Variants in TRDN observed in about 807,000 individuals in gnomAD.
TRDN encodes triadin in skeletal muscle.
TRDN carries 161 observed loss-of-function variants against 149.7 expected under a neutral mutation model. That is an observed-to-expected ratio of 1.08 (90% CI 0.95 to 1.23). The LOEUF is 1.23. TRDN is among the 50% of genes most tolerant of loss of function. TRDN has a pLI of 0.00. For synonymous variants in TRDN, 294 were observed against 250.5 expected, an observed-to-expected ratio of 1.17 and a Z score of -1.64; for missense variants, 896 against 823.5, an observed-to-expected ratio of 1.09 and a Z score of -1.08.
At chr6:123,619,716 A>G (rs1785282081) in intron 1 of TRDN, among the ~76,000 whole-genome samples, 1 of 152,192 alleles carries the variant, frequency 6.6e-6, no homozygotes, top group Admixed American at 6.5e-5. Flanking sequence ...TCTGTCACAT[A>G]CAGACATCCA....
chr6:123,614,300 C>CAAAAAAAAAAAA (rs1199509406), intron 1 of TRDN, among the ~76,000 whole-genome samples: 13 of 99,844 alleles, frequency 1.3e-4, no homozygotes, highest in East Asian at 3.2e-4. Context: ...AAAAAAAAAA[C>CAAAAAAAAAAAA]AAAAAAAAAA....
intron 7 of TRDN, among the ~76,000 whole-genome samples, chr6:123,508,658 A>T (rs1038398528): frequency 2.6e-5 from 4 of 152,158 alleles, no homozygotes; most frequent in African/African-American, 9.6e-5. Context: ...ATGGGGTCCT[A>T]CATATGTATC....
chr6:123,603,865 G>A (rs1784392537), intron 1 of TRDN, among the ~76,000 whole-genome samples: 1 of 152,080 alleles, frequency 6.6e-6, no homozygotes, highest in South Asian at 2.1e-4. Flanking sequence ...ACTGAAATTA[G>A]CAATTCACAT....
At chr6:123,632,232 A>C (rs1306358996) in intron 1 of TRDN, among the ~76,000 whole-genome samples, 2 of 151,994 alleles carry the variant, frequency 1.3e-5, no homozygotes, top group African/African-American at 2.4e-5. Context: ...TATGGTGTAG[A>C]TTTTGGCATA....
chr6:123,576,972 A>T (rs552655427), intron 1 of TRDN, among the ~76,000 whole-genome samples: 2 of 149,488 alleles, frequency 1.3e-5, no homozygotes, highest in African/African-American at 4.9e-5. Context: ...AAAATAAAAT[A>T]AAAAAAAAAG....
chr6:123,499,312 CAG>C (rs1261632339), intron 8 of TRDN, among the ~76,000 whole-genome samples: 3 of 152,072 alleles, frequency 2.0e-5, no homozygotes, highest in Admixed American at 6.6e-5. Context: ...CTTCACGCTT[CAG>C]AGAGTCTTCT....
chr6:123,586,467 A>C (rs956611485), intron 1 of TRDN, among the ~76,000 whole-genome samples: 1 of 152,056 alleles, frequency 6.6e-6, no homozygotes, highest in Non-Finnish European at 1.5e-5. Flanking sequence ...TTGCATTGGG[A>C]ACAGAGACTA....
chr6:123,255,896 G>A lies in TRDN; in HGVS notation c.1877C>T (p.Ala626Val). Residue 626 changes from alanine (A) to valine (V), a missense_variant, in exon 36 of 41, where the codon GCA becomes GTA. Coordinates refer to ENST00000334268, the MANE Select transcript of TRDN (RefSeq NM_006073.4). ...TTCTTCTCTAAGATGCTTCATGTCT[G>A]CTTTTTCTGTATAGAAGAAACAGTA... is the stretch of plus-strand genomic sequence containing the variant. ...EISEKESKEK[A>V]DMKHLREEKV... 1.5e-6 allele frequency: 2 copies of A among 1,315,122 alleles called. No homozygotes were observed. The highest frequency in any genetic ancestry group is 2.0e-5 in the South Asian group (1 of 49,752). The allele number at this position is 1,315,122 out of a possible 1,614,324, so 81.5% of individuals were successfully genotyped here.
chr6:123,352,520 C>A lies in TRDN; in HGVS notation c.1369+19G>T, dbSNP rs1367209336. The A allele has an allele frequency of 1.2e-6, 2 of 1,609,190 alleles. No homozygotes were observed. Among genetic ancestry groups the A allele is most frequent in the Non-Finnish European group, 1.7e-6 (2 of 1,177,690 alleles). On this transcript the variant is annotated intron_variant, in intron 21 of 40. Coordinates refer to ENST00000334268, the MANE Select transcript of TRDN (RefSeq NM_006073.4). The stretch of plus-strand genomic sequence containing the variant: ...TCTTTCTAAAGAAGATAATGTCAAC[C>A]TCCTTCATTTTTTTTTACCTTGCTC...
At chr6:123,229,066 A>G (rs1362122516) in intron 38 of TRDN, among the ~76,000 whole-genome samples, 1 of 151,970 alleles carries the variant, frequency 6.6e-6, no homozygotes, top group East Asian at 1.9e-4. Context: ...AAATTGTACT[A>G]TCTTGACTTT....
intron 38 of TRDN, among the ~76,000 whole-genome samples, chr6:123,224,845 T>C (rs1490930366): frequency 1.3e-5 from 2 of 151,722 alleles, no homozygotes; most frequent in Non-Finnish European, 2.9e-5. Context: ...GTATTGGCAA[T>C]GATTTTATGA....
chr6:123,598,787 C>T (rs978670715), intron 1 of TRDN, among the ~76,000 whole-genome samples: 9 of 151,972 alleles, frequency 5.9e-5, no homozygotes, highest in Non-Finnish European at 7.4e-5. Context: ...AAAAAGAGTT[C>T]GCCAATTTCT....
At chr6:123,566,488 T>G (rs1473508834) in intron 2 of TRDN, among the ~76,000 whole-genome samples, 1 of 152,230 alleles carries the variant, frequency 6.6e-6, no homozygotes, top group Non-Finnish European at 1.5e-5. Context: ...CTCAATCCAG[T>G]ACAGTATGAG....
At chr6:123,584,345 C>T (rs888507714) in intron 1 of TRDN, among the ~76,000 whole-genome samples, 7 of 151,994 alleles carry the variant, frequency 4.6e-5, no homozygotes, top group African/African-American at 7.2e-5. Flanking sequence ...GTGATTTTGA[C>T]GGCCTCTAAA....
At chr6:123,565,424 TAA>T (rs1782232379) in intron 2 of TRDN, among the ~76,000 whole-genome samples, 1 of 152,144 alleles carries the variant, frequency 6.6e-6, no homozygotes, top group Non-Finnish European at 1.5e-5. Context: ...TGTCCTGAGG[TAA>T]ATCTTAATTG....
intron 12 of TRDN, among the ~76,000 whole-genome samples, chr6:123,401,360 T>C (rs1234288679): frequency 6.6e-6 from 1 of 152,194 alleles, no homozygotes; most frequent in Non-Finnish European, 1.5e-5. Flanking sequence ...AAGCAAACGC[T>C]TTCTGGTACA....
intron 39 of TRDN, among the ~76,000 whole-genome samples, chr6:123,222,304 G>C (rs9372737): frequency 0.25 from 37,789 of 151,404 alleles, 5,636 homozygotes; most frequent in Non-Finnish European, 0.34. Flanking sequence ...GTTCCCCTCA[G>C]AGTGTAATCT....
At chr6:123,492,722 A>G (rs891689820) in intron 9 of TRDN, among the ~76,000 whole-genome samples, 1 of 152,158 alleles carries the variant, frequency 6.6e-6, no homozygotes, top group Admixed American at 6.5e-5. Context: ...TACCTTGACC[A>G]TCCGTACTAT....
intron 24 of TRDN, among the ~76,000 whole-genome samples, chr6:123,289,496 T>A (rs1474317047): frequency 6.6e-5 from 10 of 152,052 alleles, no homozygotes; most frequent in Admixed American, 6.6e-4. Flanking sequence ...CTGGACCAGA[T>A]TGAGGCCTAG....
Sources: allele counts gnomAD v4.1 joint callset (sites outside exome capture counted in the v4.1 genomes callset), GRCh38; gene constraint gnomAD v4.1.1; transcripts MANE v1.5; gene names NCBI Gene and HGNC (gene_info 2026-07-23, HGNC 2026-07-21).